BCAS3: variants seen among roughly 807,000 people sequenced by gnomAD.
The protein encoded by BCAS3 is BCAS3 microtubule associated cell migration factor.
Under a neutral mutation model 116.1 loss-of-function variants are expected in BCAS3, and 53 were observed. That is an observed-to-expected ratio of 0.46 (90% CI 0.37 to 0.57). The LOEUF is 0.57. Ranked by LOEUF, BCAS3 falls within the 20% of genes least tolerant of loss-of-function variation. The pLI, the probability that BCAS3 is intolerant of heterozygous loss-of-function variation, is 0.00. For synonymous variants in BCAS3, 391 were observed against 408.2 expected (o/e 0.96, Z 0.51); for missense variants, 917 against 1,165.4 (o/e 0.79, Z 3.10).
chr17:60,695,440 T>G (rs2035470626), intron 4 of BCAS3, among the ~76,000 whole-genome samples: 1 of 152,164 alleles, frequency 6.6e-6, no homozygotes, highest in Non-Finnish European at 1.5e-5. Context: ...TATTCATTCA[T>G]TTATTGAAAG....
At chr17:61,237,603 G>A (rs942595286) in intron 22 of BCAS3, among the ~76,000 whole-genome samples, 2 of 152,196 alleles carry the variant, frequency 1.3e-5, no homozygotes, top group Admixed American at 6.5e-5. Flanking sequence ...CTTCATTCTT[G>A]AAGTCAGCAA....
chr17:60,996,558 A>C (rs1250621370), intron 15 of BCAS3, among the ~76,000 whole-genome samples: 2 of 152,100 alleles, frequency 1.3e-5, no homozygotes, highest in Admixed American at 6.5e-5. Context: ...CAGGATCAGG[A>C]ATTTTGGACA....
At chr17:61,044,975 C>T (rs1170796548) in intron 19 of BCAS3, among the ~76,000 whole-genome samples, 1 of 151,776 alleles carries the variant, frequency 6.6e-6, no homozygotes, top group African/African-American at 2.4e-5. Context: ...TTGGCCAAGA[C>T]GGTCTTGATC....
At position 60,894,869 on chromosome 17, in the gene BCAS3, T is replaced by C. The variant is rs554524357; in HGVS notation, c.738+5098T>C. Among the ~76,000 whole-genome samples, 6 of 152,374 alleles carry C rather than the reference T, an allele frequency of 3.9e-5. No homozygotes were observed. The South Asian group carries it at 6.2e-4, about 16-fold the overall frequency. ...ATTCTGTTGATGTGATTATCACTTA[T>C]TGATTTAGATATGTTGAACCATCCC... is the stretch of plus-strand genomic sequence containing the variant. On this transcript the variant is annotated intron_variant, in intron 10 of 23. Coordinates refer to ENST00000407086, the MANE Select transcript of BCAS3 (RefSeq NM_017679.5).
rs1171929319 is a variant in BCAS3, at chr17:60,995,817, A to G, written c.1486+5582A>G. Among the ~76,000 whole-genome samples, 1 of 152,218 alleles carries G rather than the reference A, an allele frequency of 6.6e-6. No individual in the cohort carries two copies. Among genetic ancestry groups the G allele is most frequent in the Non-Finnish European group, 1.5e-5 (1 of 68,044 alleles). ...GAGTTTAGGAATTTAGCAGTGAACA[A>G]AAGAGAAACATGTCTGTGTTCCCAT... On this transcript the variant is annotated intron_variant, in intron 15 of 23. Coordinates refer to ENST00000407086, the MANE Select transcript of BCAS3 (RefSeq NM_017679.5). This position sits in a 1 kb window ranked among gnomAD's most constrained non-coding sequence, Gnocchi z 4.7.
chr17:61,182,374 C>G (rs2079531683), intron 22 of BCAS3, among the ~76,000 whole-genome samples: 1 of 151,858 alleles, frequency 6.6e-6, no homozygotes, highest in Non-Finnish European at 1.5e-5. Flanking sequence ...TAAACATAGG[C>G]AGAAGGAGAA....
intron 6 of BCAS3, among the ~76,000 whole-genome samples, chr17:60,771,807 G>C (rs1423449121): frequency 7.5e-6 from 1 of 133,406 alleles, no homozygotes; most frequent in Non-Finnish European, 1.5e-5. Context: ...GCAGTGTTTG[G>C]TTTTCTGTCC....
At chr17:60,949,194 T>G (rs2060697880) in intron 14 of BCAS3, among the ~76,000 whole-genome samples, 1 of 152,144 alleles carries the variant, frequency 6.6e-6, no homozygotes, top group East Asian at 1.9e-4. Context: ...TATTCTAACA[T>G]AAAACTGGCT....
rs972888610 is a variant in BCAS3 at position 61,227,885 on chromosome 17, A to G, written c.2426-140442A>G. On this transcript the variant is annotated intron_variant, in intron 22 of 23. Coordinates refer to ENST00000407086, the MANE Select transcript of BCAS3 (RefSeq NM_017679.5). The surrounding 1 kb of genome is among the most constrained non-coding windows in gnomAD (Gnocchi z 6.1). ...TATCTGAGCCTCTCTAAAGGGAAGA[A>G]TAGGTGATGCAGTGGGGTTGGCAGC... 3.3e-5 allele frequency among the ~76,000 whole-genome samples: 5 copies of G among 152,242 alleles called. No individual in the cohort carries two copies. Among genetic ancestry groups the G allele is most frequent in the Admixed American group, 1.3e-4 (2 of 15,280 alleles).
intron 22 of BCAS3, among the ~76,000 whole-genome samples, chr17:61,287,456 T>C (rs562115196): frequency 6.6e-6 from 1 of 152,244 alleles, no homozygotes; most frequent in South Asian, 2.1e-4. Context: ...CAGGGCGTGG[T>C]GGCTCACACC....
At chr17:60,678,114 C>G (rs2032289719) in intron 1 of BCAS3, among the ~76,000 whole-genome samples, 200 bp downstream of exon 1, 1 of 152,146 alleles carries the variant, frequency 6.6e-6, no homozygotes, top group Non-Finnish European at 1.5e-5. Context: ...TGGGCAGCGC[C>G]GTACGAGTGT....
intron 6 of BCAS3, among the ~76,000 whole-genome samples, chr17:60,761,860 A>C (rs1475393649): frequency 1.4e-5 from 2 of 145,224 alleles, no homozygotes; most frequent in Non-Finnish European, 2.9e-5. Flanking sequence ...CATCCTCTCC[A>C]GCACCTGTTG....
chr17:60,795,306 G>T (rs1441107832), intron 6 of BCAS3, among the ~76,000 whole-genome samples: 1 of 152,108 alleles, frequency 6.6e-6, no homozygotes, highest in Non-Finnish European at 1.5e-5. Context: ...ATCAGTTCTA[G>T]GAGCTTTCTG....
At position 61,328,946 on chromosome 17, in the gene BCAS3, G is replaced by A. The variant is rs1186272789; in HGVS notation, c.2426-39381G>A. On this transcript the variant is annotated intron_variant, in intron 22 of 23. Coordinates refer to ENST00000407086, the MANE Select transcript of BCAS3 (RefSeq NM_017679.5). ...GTCTTGCTCTGTCGCCCAGGCTGGA[G>A]TGCAGTGGTGCAATCTCAGCTCACC... 7.5e-5 allele frequency among the ~76,000 whole-genome samples: 11 copies of A among 147,294 alleles called. No homozygotes were observed. The East Asian group carries it at 2.2e-3, about 30-fold the overall frequency.
At chr17:60,726,190 C>T (rs981945577) in intron 5 of BCAS3, among the ~76,000 whole-genome samples, 57 of 145,756 alleles carry the variant, frequency 3.9e-4, no homozygotes, top group African/African-American at 1.2e-3. Context: ...CCACTGCTCC[C>T]GGCCAGAGGG....
chr17:60,759,904 T>C (rs2043351302), intron 6 of BCAS3, among the ~76,000 whole-genome samples: 1 of 152,182 alleles, frequency 6.6e-6, no homozygotes, highest in South Asian at 2.1e-4. Context: ...TGACTTAAAG[T>C]GGTTCTCCCA....
At chr17:60,709,811 G>A (rs767568965) in intron 5 of BCAS3, among the ~76,000 whole-genome samples, 3 of 152,114 alleles carry the variant, frequency 2.0e-5, no homozygotes, top group Non-Finnish European at 2.9e-5. Flanking sequence ...TTTGCATTTG[G>A]ACTCCTACAT....
intron 22 of BCAS3, among the ~76,000 whole-genome samples, chr17:61,253,667 G>A (rs1475524145): frequency 4.6e-5 from 7 of 151,366 alleles, no homozygotes; most frequent in Non-Finnish European, 8.8e-5. Context: ...AATCTCGGAT[G>A]CCTCTGGGCC....
intron 7 of BCAS3, among the ~76,000 whole-genome samples, chr17:60,852,273 CT>C (rs896678131): frequency 3.9e-5 from 6 of 152,204 alleles, no homozygotes; most frequent in African/African-American, 1.4e-4. Context: ...GAAAACCACT[CT>C]TTGATTATGG....
Sources: gnomAD v4.1 joint callset for allele counts (sites outside exome capture counted in the v4.1 genomes callset) on GRCh38, gnomAD v4.1.1 for gene constraint, Gnocchi (gnomAD v3.1) non-coding constraint, MANE v1.5 for transcripts, NCBI Gene and HGNC (gene_info 2026-07-23, HGNC 2026-07-21) for gene names.